The following TOP1MT variants were observed in gnomAD, a reference collection of about 807,000 sequenced individuals.
The protein encoded by TOP1MT is DNA topoisomerase I mitochondrial, also known as DNA topoisomerase I, mitochondrial.
In TOP1MT, 80 loss-of-function variants were observed where a neutral mutation model predicts 73.9. The observed-to-expected ratio is 1.08, with a 90% CI of 0.90 to 1.30. TOP1MT has a LOEUF of 1.30. TOP1MT is among the 50% of genes most tolerant of loss of function. TOP1MT has a pLI of 0.00. For synonymous variants in TOP1MT, 338 were observed against 326.4 expected (o/e 1.04, Z -0.38); for missense variants, 815 against 808.0 (o/e 1.01, Z -0.10).
chr8:143,313,043 T>C lies in TOP1MT; in HGVS notation c.1553+2684A>G, dbSNP rs570773487. The stretch of plus-strand genomic sequence containing the variant: ...TGGTGAGCTAGGATGCTGAGACATC[T>C]GGCTGTCCACATGCAAGAGAATGAC... On this transcript the variant is annotated intron_variant, in intron 12 of 13. Coordinates refer to ENST00000329245, the MANE Select transcript of TOP1MT (RefSeq NM_052963.3). Among the ~76,000 whole-genome samples, 33 of 152,270 alleles carry C rather than the reference T, an allele frequency of 2.2e-4. No homozygotes were observed. In the East Asian group the frequency reaches 5.8e-3, roughly 27 times the overall value.
chr8:143,318,992 G>A (rs1422080054), intron 8 of TOP1MT, among the ~76,000 whole-genome samples: 1 of 152,156 alleles, frequency 6.6e-6, no homozygotes, highest in Non-Finnish European at 1.5e-5. Flanking sequence ...CAAATGGCTG[G>A]CTAGTCCTCT....
At chr8:143,335,576 T>C (rs958918429), upstream of TOP1MT, among the ~76,000 whole-genome samples, 18 of 152,220 alleles carry the variant, frequency 1.2e-4, no homozygotes, top group Non-Finnish European at 2.2e-4. Context: ...CTGGGGAGCA[T>C]GGCCAAGGGG....
At chr8:143,323,572 CCACA>C (rs1173392120) in intron 7 of TOP1MT, among the ~76,000 whole-genome samples, 1 of 64,248 alleles carries the variant, frequency 1.6e-5, no homozygotes, top group Non-Finnish European at 3.8e-5. Flanking sequence ...CACATGCACG[CCACA>C]CACACAGGCA....
chr8:143,323,807 CCA>C (rs1043709881), intron 7 of TOP1MT, among the ~76,000 whole-genome samples, 190 bp downstream of exon 7: 3 of 151,998 alleles, frequency 2.0e-5, no homozygotes, highest in East Asian at 1.9e-4. Context: ...TGCACACACA[CCA>C]CACAATGCAC....
chr8:143,353,745 C>T (rs1295827283), intron 1 of TOP1MT, among the ~76,000 whole-genome samples: 1 of 151,994 alleles, frequency 6.6e-6, no homozygotes, highest in East Asian at 1.9e-4. Context: ...TTTGGGATCA[C>T]TTGAGGTCAG....
At chr8:143,315,934 G>C in intron 11 of TOP1MT, 65 bp downstream of exon 11, 1 of 1,610,050 alleles carries the variant, frequency 6.2e-7, no homozygotes, top group Non-Finnish European at 8.5e-7. Flanking sequence ...GGCCTGTGCC[G>C]AGGCTCTGGG....
At chr8:143,343,484 A>G (rs1586781902) in intron 1 of TOP1MT, 1 of 334,462 alleles carries the variant, frequency 3.0e-6, no homozygotes. Context: ...CTCTGAGCAC[A>G]GCACCAGCTG....
chr8:143,324,888 C>G (rs937860671), intron 5 of TOP1MT, among the ~76,000 whole-genome samples: 6 of 152,198 alleles, frequency 3.9e-5, no homozygotes, highest in Non-Finnish European at 8.8e-5. Flanking sequence ...CTGCACAGAC[C>G]TCTCAGCACC....
upstream of TOP1MT, among the ~76,000 whole-genome samples, chr8:143,345,462 G>A (rs1489970927): frequency 6.6e-6 from 1 of 152,240 alleles, no homozygotes; most frequent in Admixed American, 6.5e-5. Flanking sequence ...ACACAGAGAA[G>A]CAGGCTGGCC....
chr8:143,325,448 T>C lies in TOP1MT; in HGVS notation c.569A>G (p.Lys190Arg), dbSNP rs988122036. 2 of 1,613,486 alleles carry C rather than the reference T, an allele frequency of 1.2e-6. No individual in the cohort carries two copies. Among genetic ancestry groups the C allele is most frequent in the African/African-American group, 2.7e-5 (2 of 74,914 alleles). Residue 190 changes from lysine (K) to arginine (R), a missense_variant, in exon 5 of 14, where the codon AAG becomes AGG. Lys to Arg is a conservative substitution (Grantham distance 26). Coordinates refer to ENST00000329245, the MANE Select transcript of TOP1MT (RefSeq NM_052963.3). ...DGHQEKIGNF[K>R]IEPPGLFRGR... ...ACGGAACAAGCCAGGCGGCTCAATC[T>C]TGAAGTTGCCTATTTTTTCTTGGTG...
upstream of TOP1MT, among the ~76,000 whole-genome samples, chr8:143,357,447 G>A (rs1817430979): frequency 6.6e-6 from 1 of 150,610 alleles, no homozygotes; most frequent in Non-Finnish European, 1.5e-5. Context: ...CAAAAATTAA[G>A]AATACAACAT....
At chr8:143,324,958 G>A (rs1816664744) in intron 5 of TOP1MT, among the ~76,000 whole-genome samples, 1 of 152,168 alleles carries the variant, frequency 6.6e-6, no homozygotes, top group South Asian at 2.1e-4. Flanking sequence ...CTGCAGGCAG[G>A]GTCCCTACTC....
chr8:143,314,987 T>C (rs555334139), intron 12 of TOP1MT, among the ~76,000 whole-genome samples: 1 of 152,322 alleles, frequency 6.6e-6, no homozygotes, highest in East Asian at 1.9e-4. Context: ...AGAGGGCTCC[T>C]TGGTCTAGCG....
At chr8:143,338,907 C>T (rs1453036632), upstream of TOP1MT, among the ~76,000 whole-genome samples, 1 of 152,240 alleles carries the variant, frequency 6.6e-6, no homozygotes, top group Non-Finnish European at 1.5e-5. Context: ...CCCCAGGCCA[C>T]TCAGGGGTTG....
rs552451348 is a variant in TOP1MT at position 143,313,620 on chromosome 8, G to A, written c.1553+2107C>T. ...TGTAATCCCAGCACTTTGGGAGGCC[G>A]AGACAGGCAGATTGCCTGAGCTCAG... On this transcript the variant is annotated intron_variant, in intron 12 of 13. Coordinates refer to ENST00000329245, the MANE Select transcript of TOP1MT (RefSeq NM_052963.3). Among the ~76,000 whole-genome samples, 97 of 150,940 alleles carry A rather than the reference G, an allele frequency of 6.4e-4. No individual in the cohort carries two copies. In the South Asian group the frequency reaches 6.7e-3, roughly 10 times the overall value.
chr8:143,317,166 G>A (rs7845253), intron 10 of TOP1MT, among the ~76,000 whole-genome samples: 76,208 of 152,124 alleles, frequency 0.5, 20,620 homozygotes, highest in East Asian at 0.76. Context: ...CAGTCTGTGC[G>A]TCCAATCTGC....
intron 7 of TOP1MT, among the ~76,000 whole-genome samples, chr8:143,322,269 C>A (rs866995119): frequency 1.4e-4 from 4 of 29,298 alleles, no homozygotes; most frequent in African/African-American, 5.8e-4. Flanking sequence ...ACACACACGC[C>A]ACACACATGC....
At chr8:143,326,707 C>T (rs1249171463) in intron 3 of TOP1MT, among the ~76,000 whole-genome samples, 2 of 152,208 alleles carry the variant, frequency 1.3e-5, no homozygotes, top group Admixed American at 6.5e-5. Context: ...GGATGACGAC[C>T]GCACTAAGGG....
intron 12 of TOP1MT, 82 bp from the exon 13 acceptor site, chr8:143,310,299 C>T: frequency 9.0e-7 from 1 of 1,112,468 alleles, no homozygotes; most frequent in Non-Finnish European, 1.2e-6. Flanking sequence ...GGCCCTGCCG[C>T]CTTCCCTCCC....
Sources: allele counts gnomAD v4.1 joint callset (sites outside exome capture counted in the v4.1 genomes callset), GRCh38; gene constraint gnomAD v4.1.1; transcripts MANE v1.5; gene names NCBI Gene and HGNC (gene_info 2026-07-23, HGNC 2026-07-21).